GLIS3: variants seen among roughly 807,000 people sequenced by gnomAD.
GLIS3 encodes the protein zinc finger protein GLIS3.
In GLIS3, 53 loss-of-function variants were observed where a neutral mutation model predicts 78.6. The ratio of observed to expected loss-of-function variants is 0.67; its 90% CI spans 0.54 to 0.85. The LOEUF (loss-of-function observed/expected upper bound fraction) is 0.85. Ranked by LOEUF, GLIS3 falls within the 40% of genes least tolerant of loss-of-function variation. The pLI is 0.00. For missense variants in GLIS3, 1,703 were observed against 1,231.1 expected (o/e 1.38, Z -5.74); for synonymous variants, 684 against 509.9 (o/e 1.34, Z -4.60).
intron 4 of GLIS3, among the ~76,000 whole-genome samples, chr9:3,991,785 G>T (rs1223306893): frequency 6.7e-6 from 1 of 148,412 alleles, no homozygotes; most frequent in Non-Finnish European, 1.5e-5. Flanking sequence ...CCGCCTCCCG[G>T]CTTCATGCCA....
At chr9:4,051,451 G>T (rs1825741970) in intron 4 of GLIS3, among the ~76,000 whole-genome samples, 2 of 152,024 alleles carry the variant, frequency 1.3e-5, no homozygotes, top group Non-Finnish European at 2.9e-5. Context: ...AAGCCTAAAT[G>T]TATCAAAATC....
At chr9:4,361,853 C>T in the GLIS3 span, among the ~76,000 whole-genome samples, 1 of 152,156 alleles carries the variant, frequency 6.6e-6, no homozygotes, top group Non-Finnish European at 1.5e-5. Context: ...GAAGCTCTTT[C>T]CCCAATGGTA....
At chr9:4,213,141 G>C (rs1820520093) in intron 2 of GLIS3, among the ~76,000 whole-genome samples, 1 of 152,172 alleles carries the variant, frequency 6.6e-6, no homozygotes, top group South Asian at 2.1e-4. Flanking sequence ...GGGCCTCCTA[G>C]AATTGACCAG....
intron 2 of GLIS3, among the ~76,000 whole-genome samples, chr9:4,212,269 G>C (rs1445023876): frequency 2.0e-5 from 3 of 152,274 alleles, no homozygotes; most frequent in Admixed American, 2.0e-4. Context: ...CTGAGTTCTA[G>C]GTGCTTCCTC....
At chr9:3,835,510 C>T (rs981352554) in intron 9 of GLIS3, among the ~76,000 whole-genome samples, 4 of 152,182 alleles carry the variant, frequency 2.6e-5, no homozygotes, top group Non-Finnish European at 5.9e-5. Flanking sequence ...ATTCAGGGAT[C>T]CAGGCTAAGT....
chr9:4,390,122 T>C, the GLIS3 span, among the ~76,000 whole-genome samples: 1 of 152,204 alleles, frequency 6.6e-6, no homozygotes, highest in African/African-American at 2.4e-5. Flanking sequence ...CACGGACATG[T>C]ATAGATGCCT....
At chr9:3,837,178 A>T (rs117296009) in intron 9 of GLIS3, among the ~76,000 whole-genome samples, 2,266 of 152,296 alleles carry the variant, frequency 0.015, 26 homozygotes, top group Non-Finnish European at 0.023. Flanking sequence ...AGAAGCACTG[A>T]CCTGCACCAC....
intron 9 of GLIS3, among the ~76,000 whole-genome samples, chr9:3,842,767 A>G (rs975945166): frequency 6.6e-6 from 1 of 152,246 alleles, no homozygotes; most frequent in Non-Finnish European, 1.5e-5. Flanking sequence ...AGAGGCTCTA[A>G]GAGAACATCT....
At chr9:4,283,444 T>C (rs931856431) in intron 2 of GLIS3, among the ~76,000 whole-genome samples, 3 of 152,072 alleles carry the variant, frequency 2.0e-5, no homozygotes, top group African/African-American at 4.8e-5. Context: ...TTTTGTATTT[T>C]TAGCAGAGGC....
intron 4 of GLIS3, among the ~76,000 whole-genome samples, chr9:3,978,631 T>A (rs1818980025): frequency 6.6e-6 from 1 of 151,526 alleles, no homozygotes; most frequent in Admixed American, 6.6e-5. Flanking sequence ...TATGTGTGTA[T>A]ATATATATAT....
intron 2 of GLIS3, among the ~76,000 whole-genome samples, chr9:4,257,208 G>A (rs1376534920): frequency 6.6e-6 from 1 of 152,118 alleles, no homozygotes; most frequent in African/African-American, 2.4e-5. Context: ...GATGAACCTA[G>A]AGGATATTAT....
the GLIS3 span, among the ~76,000 whole-genome samples, chr9:4,358,567 C>T: frequency 6.6e-6 from 1 of 152,046 alleles, no homozygotes; most frequent in Non-Finnish European, 1.5e-5. Flanking sequence ...ACACCAGGGC[C>T]CAAGAAGAGA....
Position 3,828,314 on chromosome 9 carries a change from G to C in GLIS3, c.2751C>G (p.Asp917Glu). ...DATFLQISTV[D>E]RCPSQLSSVY... ...CAGAGGAGAGCTGGCTAGGACAGCG[G>C]TCCACGGTGCTGATCTGCAAGAAGG... The change falls in exon 11 of 11, where the codon GAC becomes GAG. Residue 917 changes from aspartate to glutamate, a missense_variant. Physicochemically the swap from Asp to Glu is conservative, Grantham distance 45 (BLOSUM62 2). Coordinates refer to ENST00000381971, the MANE Select transcript of GLIS3 (RefSeq NM_001042413.2). 1 of 1,613,508 alleles carries C rather than the reference G, an allele frequency of 6.2e-7. No individual in the cohort carries two copies. The highest frequency in any genetic ancestry group is 8.5e-7 in the Non-Finnish European group (1 of 1,179,472).
chr9:4,479,263 G>A, the GLIS3 span, among the ~76,000 whole-genome samples: 1 of 152,142 alleles, frequency 6.6e-6, no homozygotes, highest in African/African-American at 2.4e-5. Flanking sequence ...AAGAGAGATT[G>A]TAGAATAAAA....
intron 4 of GLIS3, among the ~76,000 whole-genome samples, chr9:4,080,069 G>T (rs1015179566): frequency 3.3e-5 from 5 of 152,208 alleles, no homozygotes; most frequent in African/African-American, 7.2e-5. Flanking sequence ...GTTTGTGCAG[G>T]AATCTGCCTG....
At chr9:3,902,490 G>A (rs571075766) in intron 6 of GLIS3, among the ~76,000 whole-genome samples, 2 of 152,276 alleles carry the variant, frequency 1.3e-5, no homozygotes, top group South Asian at 2.1e-4. Context: ...TTAAAAAACT[G>A]CATAATGTAT....
intron 8 of GLIS3, among the ~76,000 whole-genome samples, chr9:3,857,618 C>G (rs1388956219): frequency 6.6e-6 from 1 of 152,150 alleles, no homozygotes; most frequent in East Asian, 1.9e-4. Context: ...AGGCGAGGAG[C>G]TTAAACAAAC....
the GLIS3 span, among the ~76,000 whole-genome samples, chr9:4,444,664 A>T: frequency 6.6e-6 from 1 of 152,160 alleles, no homozygotes; most frequent in Non-Finnish European, 1.5e-5. Flanking sequence ...TCTGGCTTTC[A>T]CTCCCTTTAG....
At chr9:4,267,297 T>C (rs1474915751) in intron 2 of GLIS3, among the ~76,000 whole-genome samples, 1 of 152,120 alleles carries the variant, frequency 6.6e-6, no homozygotes, top group Non-Finnish European at 1.5e-5. Flanking sequence ...GATGAGTTTA[T>C]AGATAGATTA....
Sources: allele counts gnomAD v4.1 joint callset (sites outside exome capture counted in the v4.1 genomes callset), GRCh38; gene constraint gnomAD v4.1.1; transcripts MANE v1.5; gene names NCBI Gene and HGNC (gene_info 2026-07-23, HGNC 2026-07-21).